The following BLTP3A variants were observed in gnomAD, a reference collection of about 807,000 sequenced individuals.
The protein encoded by BLTP3A is bridge-like lipid transfer protein family member 3A, also known as ICBP90 binding protein 1.
chr6:34,808,345 T>TAAAAAAAAA, the BLTP3A span, among the ~76,000 whole-genome samples: 1 of 12,702 alleles, frequency 7.9e-5, no homozygotes, highest in African/African-American at 8.6e-4. Flanking sequence ...AAACTCCGTC[T>TAAAAAAAAA]CAAAAAAAAA....
At chr6:34,827,311 A>G in the BLTP3A span, among the ~76,000 whole-genome samples, 1 of 151,704 alleles carries the variant, frequency 6.6e-6, no homozygotes, top group South Asian at 2.1e-4. Flanking sequence ...CTCTGTTTCA[A>G]AAAAAAAGAA....
the BLTP3A span, among the ~76,000 whole-genome samples, chr6:34,839,707 A>G: frequency 1.3e-5 from 2 of 152,202 alleles, no homozygotes; most frequent in African/African-American, 4.8e-5. Flanking sequence ...TCTCTCATCA[A>G]CAGCTCTCTC....
At chr6:34,798,499 A>G in the BLTP3A span, among the ~76,000 whole-genome samples, 1 of 151,964 alleles carries the variant, frequency 6.6e-6, no homozygotes, top group Non-Finnish European at 1.5e-5. Context: ...TTACATTTCC[A>G]CCAGAAGTGT....
chr6:34,794,583 C>A, the BLTP3A span, among the ~76,000 whole-genome samples: 1 of 152,116 alleles, frequency 6.6e-6, no homozygotes, highest in Admixed American at 6.6e-5. Context: ...TGCCTGAATC[C>A]CTCAAGGCAT....
the BLTP3A span, among the ~76,000 whole-genome samples, chr6:34,846,848 T>C: frequency 6.6e-6 from 1 of 152,248 alleles, no homozygotes; most frequent in Non-Finnish European, 1.5e-5. Flanking sequence ...GTTCCAAATA[T>C]TACAGGAAAG....
the BLTP3A span, among the ~76,000 whole-genome samples, chr6:34,829,536 CAT>C: frequency 6.6e-6 from 1 of 152,168 alleles, no homozygotes; most frequent in Non-Finnish European, 1.5e-5. Context: ...CATTTTGTTA[CAT>C]ATGTTTGTAG....
chr6:34,867,567 G>A, the BLTP3A span: 1 of 1,613,882 alleles, frequency 6.2e-7, no homozygotes, highest in South Asian at 1.1e-5. Context: ...TGACCCTCCA[G>A]CAGCTGGGCA....
At chr6:34,806,816 C>T in the BLTP3A span, among the ~76,000 whole-genome samples, 2 of 152,140 alleles carry the variant, frequency 1.3e-5, no homozygotes, top group African/African-American at 4.8e-5. Flanking sequence ...CCTGCCACCA[C>T]GCCCGGCTAA....
chr6:34,849,335 T>TA, the BLTP3A span, among the ~76,000 whole-genome samples: 5 of 152,092 alleles, frequency 3.3e-5, no homozygotes, highest in Non-Finnish European at 5.9e-5. Context: ...TTTTTTTTTT[T>TA]ATTTGAAATT....
At chr6:34,854,848 A>G in the BLTP3A span, among the ~76,000 whole-genome samples, 4 of 152,194 alleles carry the variant, frequency 2.6e-5, no homozygotes, top group Admixed American at 1.3e-4. Flanking sequence ...TCTATGCTAG[A>G]TATACTAGTA....
At chr6:34,876,092 G>A in the BLTP3A span, 1 of 152,618 alleles carries the variant, frequency 6.6e-6, no homozygotes, top group African/African-American at 2.4e-5. Flanking sequence ...TAGTGTGTAT[G>A]GACTAGAGTT....
chr6:34,822,853 A>G, the BLTP3A span, among the ~76,000 whole-genome samples: 18 of 138,600 alleles, frequency 1.3e-4, no homozygotes, highest in Middle Eastern at 7.4e-3. Flanking sequence ...CTGTTTCGGG[A>G]AAAAAAAAAA....
the BLTP3A span, chr6:34,875,111 C>G: frequency 6.5e-6 from 1 of 152,682 alleles, no homozygotes; most frequent in Admixed American, 6.5e-5. Flanking sequence ...AGCTCATTGT[C>G]TAAGAAGGGA....
chr6:34,872,313 G>A, the BLTP3A span: 12 of 1,604,066 alleles, frequency 7.5e-6, no homozygotes, highest in African/African-American at 1.5e-4. Flanking sequence ...TGTTCCTCAG[G>A]TGAAAGAACT....
chr6:34,855,729 A>G, the BLTP3A span: 3 of 1,612,698 alleles, frequency 1.9e-6, no homozygotes, highest in Admixed American at 1.7e-5. Context: ...AATGGGGCCA[A>G]TTCTCGCATA....
the BLTP3A span, among the ~76,000 whole-genome samples, chr6:34,804,190 C>T: frequency 6.6e-6 from 1 of 152,160 alleles, no homozygotes; most frequent in Non-Finnish European, 1.5e-5. Flanking sequence ...GGATACACAT[C>T]TGTAGGTAGT....
chr6:34,836,405 G>A, the BLTP3A span: 2 of 1,523,310 alleles, frequency 1.3e-6, no homozygotes, highest in Non-Finnish European at 1.8e-6. Flanking sequence ...CTAGCTCTGG[G>A]CAGAGCCTGG....
chr6:34,860,211 C>T, the BLTP3A span, among the ~76,000 whole-genome samples: 2 of 152,008 alleles, frequency 1.3e-5, no homozygotes, highest in African/African-American at 4.8e-5. Flanking sequence ...TTCATCCATT[C>T]AGCAAGTATC....
At chr6:34,877,056 T>C in the BLTP3A span, 1 of 152,674 alleles carries the variant, frequency 6.5e-6, no homozygotes, top group Non-Finnish European at 1.5e-5. Flanking sequence ...AGATTTAGCC[T>C]GAGTCTTAAA....
Sources: gnomAD v4.1 joint callset for allele counts (sites outside exome capture counted in the v4.1 genomes callset) on GRCh38, gnomAD v4.1.1 for gene constraint, MANE v1.5 for transcripts, NCBI Gene and HGNC (gene_info 2026-07-23, HGNC 2026-07-21) for gene names.